Variants in SERPINI2 observed in about 807,000 individuals in gnomAD.
SERPINI2 encodes serpin family I member 2, also known as serpin I2.
In SERPINI2, 48 loss-of-function variants were observed where a neutral mutation model predicts 47.3. The observed-to-expected ratio is 1.02, with a 90% CI of 0.81 to 1.29. The LOEUF is 1.29. Among genes scored for constraint, SERPINI2 ranks in the 50% most tolerant of loss-of-function variants. SERPINI2 has a pLI of 0.00. For missense variants in SERPINI2, 448 were observed against 456.9 expected (o/e 0.98, Z 0.18); for synonymous variants, 135 against 149.3 (o/e 0.90, Z 0.70).
chr3:167,441,949 C>T (rs138283085), exon 9 of SERPINI2: 9 of 489,850 alleles, frequency 1.8e-5, no homozygotes, highest in African/African-American at 1.2e-4. Flanking sequence ...CAAATGCATA[C>T]CTAATTTTAC....
At chr3:167,442,524 C>T (rs1360620460) in intron 8 of SERPINI2, among the ~76,000 whole-genome samples, 2 of 152,092 alleles carry the variant, frequency 1.3e-5, no homozygotes, top group Non-Finnish European at 2.9e-5. Context: ...CATAATAAAA[C>T]GGTGATGAGC....
At chr3:167,446,658 C>T (rs1194212120) in intron 7 of SERPINI2, 177 bp from the exon 8 acceptor site, 4 of 423,606 alleles carry the variant, frequency 9.4e-6, no homozygotes, top group African/African-American at 8.1e-5. Flanking sequence ...AACCAAAGTA[C>T]TGAAGAATAA....
chr3:167,470,400 A>C (rs1750270224), intron 2 of SERPINI2, among the ~76,000 whole-genome samples: 1 of 152,186 alleles, frequency 6.6e-6, no homozygotes, highest in Non-Finnish European at 1.5e-5. Context: ...CTGTGATAAG[A>C]AAAATACACT....
intron 5 of SERPINI2, among the ~76,000 whole-genome samples, chr3:167,464,915 A>G (rs987167596): frequency 7.9e-5 from 12 of 152,220 alleles, no homozygotes; most frequent in Non-Finnish European, 1.6e-4. Context: ...GAAAATTAGC[A>G]TAATAAAAAG....
Position 167,472,581 on chromosome 3 carries a change from C to A in SERPINI2, c.-10-737G>T, listed in dbSNP as rs574197578. 2.6e-5 allele frequency among the ~76,000 whole-genome samples: 4 copies of A among 151,772 alleles called. No homozygotes were observed. The South Asian group carries it at 8.3e-4, about 32-fold the overall frequency. On this transcript the variant is annotated intron_variant, in intron 1 of 8. Transcript: ENST00000264677. ...CATATACCCATGTAGCAAACCTGCA[C>A]ATGTACATTAATCTGTAATAAAACT...
At chr3:167,458,441 T>TTTTG (rs1299553608) in intron 5 of SERPINI2, among the ~76,000 whole-genome samples, 1 of 150,736 alleles carries the variant, frequency 6.6e-6, no homozygotes, top group Non-Finnish European at 1.5e-5. Context: ...TTTTTTTTTT[T>TTTTG]TTAGTAGAGA....
At chr3:167,476,615 A>G (rs1273827856), upstream of SERPINI2, among the ~76,000 whole-genome samples, 1 of 152,064 alleles carries the variant, frequency 6.6e-6, no homozygotes, top group Non-Finnish European at 1.5e-5. Context: ...ACAGTAAAGT[A>G]TATCTAGCAA....
chr3:167,474,164 T>G (rs1323246078), upstream of SERPINI2: 50 of 984,384 alleles, frequency 5.1e-5, no homozygotes, highest in African/African-American at 8.4e-4. Flanking sequence ...ACTACATTTG[T>G]ATTAAGAACT....
chr3:167,468,562 A>G (rs1213051939), intron 2 of SERPINI2, among the ~76,000 whole-genome samples: 2 of 152,150 alleles, frequency 1.3e-5, no homozygotes, highest in Non-Finnish European at 2.9e-5. Flanking sequence ...TTCAAACTCC[A>G]GGATTCTCTG....
At position 167,456,346 on chromosome 3, in the gene SERPINI2, C is replaced by T. The variant is rs1425788837; in HGVS notation, c.867-3313G>A. ...GAACATTTTGTAATCACTACTGCAG[C>T]TGGTCACAACGTATCTATTCTCATA... is the stretch of plus-strand genomic sequence containing the variant. On this transcript the variant is annotated intron_variant, in intron 5 of 8. Transcript: ENST00000264677. 2.0e-5 allele frequency among the ~76,000 whole-genome samples: 3 copies of T among 152,118 alleles called. No homozygotes were observed. In the East Asian group the frequency reaches 5.8e-4, roughly 29 times the overall value.
intron 3 of SERPINI2, 62 bp from the exon 4 acceptor site, chr3:167,465,735 T>C (rs1018368648): frequency 3.0e-5 from 43 of 1,417,196 alleles, no homozygotes; most frequent in Non-Finnish European, 3.6e-5. Flanking sequence ...GTGGAATTGC[T>C]TTGAATAGAA....
chr3:167,458,832 T>C (rs1185251502), intron 5 of SERPINI2, among the ~76,000 whole-genome samples: 4 of 152,194 alleles, frequency 2.6e-5, no homozygotes, highest in African/African-American at 9.7e-5. Context: ...AGTTTTCTTA[T>C]CTGTGAAATG....
intron 2 of SERPINI2, among the ~76,000 whole-genome samples, chr3:167,470,291 C>T (rs1157945952): frequency 6.6e-6 from 1 of 152,054 alleles, no homozygotes; most frequent in African/African-American, 2.4e-5. Flanking sequence ...TCACTATTAC[C>T]AACGTCTTTT....
exon 7 of SERPINI2, chr3:167,449,335 A>T: frequency 1.9e-6 from 3 of 1,612,748 alleles, no homozygotes; most frequent in Non-Finnish European, 2.5e-6. Flanking sequence ...TTGCAGCTTC[A>T]CTACCATCTT....
At chr3:167,473,648 G>A in intron 1 of SERPINI2, 1 of 508,902 alleles carries the variant, frequency 2.0e-6, no homozygotes, top group Admixed American at 3.6e-5. Flanking sequence ...TATATTATTT[G>A]AGCATCCACA....
chr3:167,469,900 A>C (rs1333527077), intron 2 of SERPINI2, among the ~76,000 whole-genome samples: 1 of 152,102 alleles, frequency 6.6e-6, no homozygotes, highest in Non-Finnish European at 1.5e-5. Context: ...GGTTTATTAC[A>C]AGGTTGTTTA....
Position 167,471,619 on chromosome 3 carries a change from T to C in SERPINI2, c.216A>G (p.Arg72=), listed in dbSNP as rs1750322981. The change falls in exon 2 of 9, where the codon AGA becomes AGG. Residue 72 remains arginine (R), a synonymous_variant. Transcript: ENST00000264677. The stretch of plus-strand genomic sequence containing the variant: ...AGGTTTCCTGTTGTTTTAAAGTTTG[T>C]CTTATCTGCTGCTGTGCTTTTCCTT... 8.1e-6 allele frequency: 13 copies of C among 1,613,598 alleles called. No homozygotes were observed. In the East Asian group the frequency reaches 2.9e-4, roughly 36 times the overall value.
At chr3:167,462,740 C>T (rs1290851686) in intron 5 of SERPINI2, among the ~76,000 whole-genome samples, 1 of 152,088 alleles carries the variant, frequency 6.6e-6, no homozygotes, top group African/African-American at 2.4e-5. Context: ...GAGTGTGGCC[C>T]TGGAGTGGAG....
At chr3:167,446,432 T>C (rs779119305) in exon 8 of SERPINI2, 2 of 1,610,530 alleles carry the variant, frequency 1.2e-6, no homozygotes, top group Non-Finnish European at 8.5e-7. Flanking sequence ...ATGGATGATT[T>C]GCTATAAATT....
Sources: allele counts gnomAD v4.1 joint callset (sites outside exome capture counted in the v4.1 genomes callset), GRCh38; gene constraint gnomAD v4.1.1; transcripts MANE v1.5; gene names NCBI Gene and HGNC (gene_info 2026-07-23, HGNC 2026-07-21).